TMEFF1: variants seen among roughly 807,000 people sequenced by gnomAD.
TMEFF1 encodes tomoregulin-1.
Under a neutral mutation model 47.5 loss-of-function variants are expected in TMEFF1, and 20 were observed. The observed-to-expected ratio is 0.42, with a 90% CI of 0.30 to 0.61. The LOEUF (loss-of-function observed/expected upper bound fraction) is 0.61. TMEFF1 is among the 20% of genes least tolerant of loss of function. The pLI, the probability that TMEFF1 is intolerant of heterozygous loss-of-function variation, is 0.19. For missense variants in TMEFF1, 411 were observed against 471.1 expected (o/e 0.87, Z 1.18); for synonymous variants, 162 against 166.3 (o/e 0.97, Z 0.20).
chr9:100,494,160 T>A (rs1223825333), intron 1 of TMEFF1, among the ~76,000 whole-genome samples: 1 of 145,816 alleles, frequency 6.9e-6, no homozygotes, highest in East Asian at 2.0e-4. Flanking sequence ...TGAGCCGTGT[T>A]CACACCACTG....
At chr9:100,501,816 T>C (rs1249772302) in intron 2 of TMEFF1, among the ~76,000 whole-genome samples, 1 of 152,084 alleles carries the variant, frequency 6.6e-6, no homozygotes, top group Non-Finnish European at 1.5e-5. Context: ...AGCTAATTTT[T>C]GTGTTTTTAG....
intron 5 of TMEFF1, chr9:100,518,341 AG>A: frequency 1.5e-6 from 1 of 657,684 alleles, no homozygotes; most frequent in Non-Finnish European, 1.9e-6. Context: ...ATTCCCAATC[AG>A]AGCAACTCTG....
chr9:100,532,565 G>A (rs62579398), intron 5 of TMEFF1, among the ~76,000 whole-genome samples: 4,886 of 151,782 alleles, frequency 0.032, 93 homozygotes, highest in African/African-American at 0.043. Flanking sequence ...TTAGAATGGC[G>A]ATCATTAAAA....
chr9:100,540,979 A>G (rs569704356), intron 5 of TMEFF1, among the ~76,000 whole-genome samples: 18 of 152,116 alleles, frequency 1.2e-4, no homozygotes, highest in East Asian at 3.9e-4. Flanking sequence ...TATGTGGGCT[A>G]TGTTTATCTT....
rs1587830047 is a variant in TMEFF1, at chr9:100,513,235, G to A, written c.437-72G>A. On this transcript the variant is annotated intron_variant, in intron 3 of 9. Coordinates refer to ENST00000374879, the MANE Select transcript of TMEFF1 (RefSeq NM_003692.5). ...GATATCACAGTTTTATTTTTGATAG[G>A]AAATTTTATTATTTGATAAGATGAA... 3.8e-6 allele frequency: 6 copies of A among 1,567,004 alleles called. No homozygotes were observed. In the East Asian group the frequency reaches 1.4e-4, roughly 35 times the overall value.
intron 5 of TMEFF1, among the ~76,000 whole-genome samples, chr9:100,546,823 C>T (rs1405711013): frequency 1.3e-5 from 2 of 152,286 alleles, no homozygotes; most frequent in South Asian, 4.1e-4. Context: ...CTATTCCTAA[C>T]TAGATTTTAC....
chr9:100,558,129 C>T (rs1329171979), intron 7 of TMEFF1, among the ~76,000 whole-genome samples: 1 of 152,162 alleles, frequency 6.6e-6, no homozygotes, highest in African/African-American at 2.4e-5. Context: ...TTAACTTCCT[C>T]TGACTGCTTT....
At chr9:100,547,683 G>C in intron 5 of TMEFF1, 61 bp from the exon 6 acceptor site, 2 of 1,384,052 alleles carry the variant, frequency 1.4e-6, no homozygotes, top group Non-Finnish European at 1.9e-6. Context: ...CTTTTTTGCT[G>C]TTGCAGCATT....
At chr9:100,506,640 G>A (rs962644696) in intron 2 of TMEFF1, among the ~76,000 whole-genome samples, 1 of 151,194 alleles carries the variant, frequency 6.6e-6, no homozygotes. Context: ...GGTGGCGGGC[G>A]CCTGTAGTCC....
intron 7 of TMEFF1, among the ~76,000 whole-genome samples, chr9:100,551,031 T>A (rs1439768909): frequency 3.9e-5 from 6 of 152,262 alleles, no homozygotes; most frequent in Non-Finnish European, 8.8e-5. Flanking sequence ...TCAATGAGGT[T>A]GTATCTGGTT....
At chr9:100,564,345 GA>G (rs1564028686) in intron 8 of TMEFF1, among the ~76,000 whole-genome samples, 2 of 152,188 alleles carry the variant, frequency 1.3e-5, no homozygotes, top group African/African-American at 4.8e-5. Flanking sequence ...AAAGTGCTGG[GA>G]TTACAGGCAT....
At chr9:100,523,364 G>A (rs959235725) in intron 5 of TMEFF1, among the ~76,000 whole-genome samples, 6 of 152,124 alleles carry the variant, frequency 3.9e-5, no homozygotes, top group Non-Finnish European at 7.3e-5. Context: ...TCTTGAAAAA[G>A]CAACCTCTGC....
At chr9:100,515,561 G>T (rs1838051796) in intron 4 of TMEFF1, among the ~76,000 whole-genome samples, 1 of 152,090 alleles carries the variant, frequency 6.6e-6, no homozygotes, top group Admixed American at 6.6e-5. Context: ...ACTGAGGTGG[G>T]CGGATCACAA....
intron 4 of TMEFF1, among the ~76,000 whole-genome samples, chr9:100,515,449 G>T (rs866602864): frequency 2.8e-4 from 42 of 152,208 alleles, no homozygotes; most frequent in African/African-American, 8.9e-4. Context: ...TACCAAACAG[G>T]CATGGCAGAT....
chr9:100,548,324 C>G (rs1838774436), intron 6 of TMEFF1, among the ~76,000 whole-genome samples: 1 of 151,912 alleles, frequency 6.6e-6, no homozygotes, highest in Non-Finnish European at 1.5e-5. Context: ...TATCATTTTC[C>G]CTGTACATAT....
intron 7 of TMEFF1, among the ~76,000 whole-genome samples, chr9:100,553,992 G>C (rs796552884): frequency 6.6e-6 from 1 of 152,194 alleles, no homozygotes; most frequent in East Asian, 1.9e-4. Context: ...TGACCATTTT[G>C]ATTCAAAGAT....
intron 7 of TMEFF1, among the ~76,000 whole-genome samples, chr9:100,555,773 A>G (rs1261491535): frequency 6.6e-6 from 1 of 152,180 alleles, no homozygotes; most frequent in Non-Finnish European, 1.5e-5. Flanking sequence ...ATTTAATATT[A>G]TGGTTCATAA....
chr9:100,473,504 C>T lies in TMEFF1; in HGVS notation c.-41C>T. On this transcript the variant is annotated 5_prime_UTR_variant, in exon 1 of 10. Transcript: ENST00000374879. This position sits in a 1 kb window ranked among gnomAD's most constrained non-coding sequence, Gnocchi z 5.4. The stretch of plus-strand genomic sequence containing the variant: ...GGGCGCGCGGCTGGATGCCCCCGGC[C>T]TGCGGCTCCCTGCGCTTCCCGCCGT... The T allele has an allele frequency of 7.4e-7, 1 of 1,349,068 alleles. No individual in the cohort carries two copies. The highest frequency in any genetic ancestry group is 1.5e-5 in the African/African-American group (1 of 64,964). 83.6% of individuals were successfully genotyped at this position (1,349,068 alleles called of 1,614,324 possible). A position where few individuals can be genotyped will look rare whatever the true frequency, so the allele number is the denominator to read the frequency against.
chr9:100,515,244 G>T (rs1206478507), intron 4 of TMEFF1, among the ~76,000 whole-genome samples: 1 of 152,068 alleles, frequency 6.6e-6, no homozygotes, highest in Non-Finnish European at 1.5e-5. Flanking sequence ...GGGCTAAGTG[G>T]TTTGCCCCAG....
Sources: allele counts gnomAD v4.1 joint callset (sites outside exome capture counted in the v4.1 genomes callset), GRCh38; gene constraint gnomAD v4.1.1; non-coding constraint Gnocchi (gnomAD v3.1); transcripts MANE v1.5; gene names NCBI Gene and HGNC (gene_info 2026-07-23, HGNC 2026-07-21).